Variants in KCNT1 observed in about 807,000 individuals in gnomAD.
KCNT1 encodes potassium sodium-activated channel subfamily T member 1.
Under a neutral mutation model 147.8 loss-of-function variants are expected in KCNT1, and 78 were observed. The observed-to-expected ratio is 0.53, with a 90% CI of 0.44 to 0.64. KCNT1 has a LOEUF of 0.64. KCNT1 is among the 30% of genes least tolerant of loss of function. The pLI is 0.00. For synonymous variants in KCNT1, 867 were observed against 748.8 expected (o/e 1.16, Z -2.58); for missense variants, 1,419 against 1,750.3 (o/e 0.81, Z 3.38).
In KCNT1 at chr9:135,773,179, G is replaced by A. The variant is rs78110941; in HGVS notation, c.2243+230G>A. On this transcript the variant is annotated intron_variant, in intron 19 of 30. Coordinates refer to ENST00000371757, the MANE Select transcript of KCNT1 (RefSeq NM_020822.3). The stretch of plus-strand genomic sequence containing the variant: ...CACTTTTGAGTGTCACTGAGATGGG[G>A]TGTGCTGGGCTACACCCTTTCCAGT... 9.8e-3 allele frequency among the ~76,000 whole-genome samples: 1,491 copies of A among 152,332 alleles called. 29 individuals carry two copies. Among genetic ancestry groups the A allele is most frequent in the East Asian group, 0.038 (199 of 5,186 alleles).
At chr9:135,738,237 C>G (rs1217677521) in intron 2 of KCNT1, among the ~76,000 whole-genome samples, 1 of 152,208 alleles carries the variant, frequency 6.6e-6, no homozygotes, top group African/African-American at 2.4e-5. Context: ...GACGGTTTCA[C>G]ATGGGTGGCC....
intron 2 of KCNT1, among the ~76,000 whole-genome samples, chr9:135,739,665 G>C (rs1830482644): frequency 6.6e-6 from 1 of 152,098 alleles, no homozygotes; most frequent in Non-Finnish European, 1.5e-5. Flanking sequence ...CTCTCTCCCA[G>C]GAGGGCCCCT....
chr9:135,720,410 C>T lies in KCNT1; in HGVS notation c.254+5690C>T, dbSNP rs142224331. Reference sequence around the variant, plus strand: ...GCTGGTCGGGGAAGTGCCTTGAGACCTGGGTGACTCGGTGTGCTGAGGGCC... The same window carrying T: ...GCTGGTCGGGGAAGTGCCTTGAGACTTGGGTGACTCGGTGTGCTGAGGGCC... On this transcript the variant is annotated intron_variant, in intron 2 of 30. Transcript: ENST00000371757. Among the ~76,000 whole-genome samples, 688 of 152,110 alleles carry T rather than the reference C, an allele frequency of 4.5e-3. 3 individuals are homozygous for T. The highest frequency in any genetic ancestry group is 0.014 in the African/African-American group (593 of 41,496).
At chr9:135,769,351 G>T (rs147532472) in intron 15 of KCNT1, among the ~76,000 whole-genome samples, 1 of 151,992 alleles carries the variant, frequency 6.6e-6, no homozygotes, top group South Asian at 2.1e-4. Flanking sequence ...GCATGTGCAC[G>T]CAGTTAGGCG....
At chr9:135,707,170 C>T (rs925346468) in intron 1 of KCNT1, among the ~76,000 whole-genome samples, 5 of 152,068 alleles carry the variant, frequency 3.3e-5, no homozygotes, top group African/African-American at 7.2e-5. Context: ...CCCGGTGCAC[C>T]CCTGCAGGCC....
chr9:135,739,053 C>T (rs1830454825), intron 2 of KCNT1, among the ~76,000 whole-genome samples: 1 of 152,080 alleles, frequency 6.6e-6, no homozygotes, highest in African/African-American at 2.4e-5. Flanking sequence ...GCTGGGGTCT[C>T]CCAGCCTCAT....
In KCNT1 at chr9:135,770,886, G is replaced by A. The variant is rs773621687; in HGVS notation, c.1799G>A (p.Arg600Gln). 40 of 1,592,210 alleles carry A rather than the reference G, an allele frequency of 2.5e-5. 1 individual carries two copies. In the Middle Eastern group the frequency reaches 5.0e-4, roughly 20 times the overall value. ...GGCGTGTGCCTCATCGGGCTGAAGC[G>A]GGAGGACAACAAGAGCATCCTGCTG... ...KYGVCLIGLK[R>Q]EDNKSILLNP... The change falls in exon 18 of 31, where the codon CGG becomes CAG. Residue 600 changes from arginine to glutamine, a missense_variant. Physicochemically the swap from Arg to Gln is conservative, Grantham distance 43. Coordinates refer to ENST00000371757, the MANE Select transcript of KCNT1 (RefSeq NM_020822.3).
intron 11 of KCNT1, among the ~76,000 whole-genome samples, chr9:135,762,736 C>T (rs1304350302): frequency 3.9e-5 from 6 of 152,106 alleles, no homozygotes; most frequent in African/African-American, 1.4e-4. Context: ...GGTGACAGAG[C>T]GAGATGCCAT....
At position 135,784,815 on chromosome 9, in the gene KCNT1, A is replaced by C; in HGVS notation, c.3082A>C (p.Lys1028Gln). 6.2e-7 allele frequency: 1 copy of C among 1,612,686 alleles called. No individual in the cohort carries two copies. Among genetic ancestry groups the C allele is most frequent in the Non-Finnish European group, 8.5e-7 (1 of 1,179,940 alleles). Residue 1028 changes from lysine to glutamine, a missense_variant, in exon 27 of 31, where the codon AAG becomes CAG. By Grantham distance (53) the Lys-to-Gln change is moderately conservative. Coordinates refer to ENST00000371757, the MANE Select transcript of KCNT1 (RefSeq NM_020822.3). ...CCGCACGTACGGCCGCCTCTTCCAG[A>C]AGCTCTGCTCCTCCAGCGCCGAGAT... ...WIRTYGRLFQ[K>Q]LCSSSAEIPI...
chr9:135,782,538 C>T (rs552894120), intron 24 of KCNT1, among the ~76,000 whole-genome samples: 63 of 152,308 alleles, frequency 4.1e-4, no homozygotes, highest in African/African-American at 1.4e-3. Flanking sequence ...AGGGCTCATC[C>T]GCTCCTGTGT....
Position 135,714,735 on chromosome 9 carries a change from C to G in KCNT1, c.254+15C>G, listed in dbSNP as rs1341686028. 2.2e-6 allele frequency: 3 copies of G among 1,348,508 alleles called. No homozygotes were observed. The highest frequency in any genetic ancestry group is 2.9e-6 in the Non-Finnish European group (3 of 1,034,812). The allele number at this position is 1,348,508 out of a possible 1,614,324, so 83.5% of individuals were successfully genotyped here. A position where few individuals can be genotyped will look rare whatever the true frequency, so the allele number is the denominator to read the frequency against. ...AACGACGACAGGTAGGGACCGGGCG[C>G]GGGGTGGGGGCTGGGGTCGCCGTCC... On this transcript the variant is annotated intron_variant, in intron 2 of 30. Transcript: ENST00000371757. The surrounding 1 kb of genome is among the most constrained non-coding windows in gnomAD (Gnocchi z 6.2).
In KCNT1 at chr9:135,765,654, G is replaced by A; in HGVS notation, c.1231G>A (p.Glu411Lys). The part of the protein sequence containing the change: ...DYYVVILCPT[E>K]MDVQVRRVLQ... ...TTACGTGGTCATCCTGTGCCCCACG[G>A]AGATGGATGTCCAGGTGCGCAGAGT... Residue 411 changes from glutamate to lysine, a missense_variant, in exon 13 of 31, where the codon GAG (glutamate) becomes AAG (lysine). By Grantham distance (56) the Glu-to-Lys change is moderately conservative (BLOSUM62 1). This residue lies in a region of KCNT1 where 401 missense variants were observed against 610.6 expected (regional missense o/e 0.66). Coordinates refer to ENST00000371757, the MANE Select transcript of KCNT1 (RefSeq NM_020822.3). The A allele has an allele frequency of 6.2e-7, 1 of 1,611,154 alleles. No homozygotes were observed. The highest frequency in any genetic ancestry group is 8.5e-7 in the Non-Finnish European group (1 of 1,179,150).
At chr9:135,786,049 C>G (rs560986596) in intron 28 of KCNT1, 148 bp from the exon 29 acceptor site, 2 of 664,600 alleles carry the variant, frequency 3.0e-6, no homozygotes, top group Non-Finnish European at 5.1e-6. Context: ...TGGGGTCTGT[C>G]GTCGTCCTCT....
At chr9:135,722,417 G>A (rs1161043640) in intron 2 of KCNT1, among the ~76,000 whole-genome samples, 3 of 152,254 alleles carry the variant, frequency 2.0e-5, no homozygotes, top group African/African-American at 4.8e-5. Context: ...TGCCCAGTGG[G>A]AGGGGCTGGC....
At chr9:135,770,154 G>A in intron 16 of KCNT1, 99 bp downstream of exon 16, 1 of 1,384,128 alleles carries the variant, frequency 7.2e-7, no homozygotes, top group Non-Finnish European at 9.8e-7. Context: ...CTTCCCAGAG[G>A]AGGGGCACAT....
intron 21 of KCNT1, among the ~76,000 whole-genome samples, chr9:135,777,823 T>C (rs1212626888): frequency 1.3e-5 from 2 of 148,344 alleles, no homozygotes; most frequent in Non-Finnish European, 3.0e-5. Flanking sequence ...CCTCCTTGCT[T>C]CCAGCTCCCC....
chr9:135,768,059 G>A (rs1444230538), intron 13 of KCNT1, among the ~76,000 whole-genome samples: 1 of 150,122 alleles, frequency 6.7e-6, no homozygotes, highest in African/African-American at 2.4e-5. Flanking sequence ...CAGGGGACAG[G>A]TGTGGCTCCT....
chr9:135,709,471 C>T (rs77761809), intron 1 of KCNT1, among the ~76,000 whole-genome samples: 8 of 152,260 alleles, frequency 5.3e-5, no homozygotes, highest in African/African-American at 9.6e-5. Context: ...AGAGGACCCA[C>T]GATTCCATCA....
intron 29 of KCNT1, chr9:135,791,303 G>C (rs1834499940): frequency 5.6e-6 from 1 of 177,742 alleles, no homozygotes; most frequent in South Asian, 1.4e-4. Context: ...GTGTGCAGGG[G>C]TCTGTGGATA....
Sources: allele counts gnomAD v4.1 joint callset (sites outside exome capture counted in the v4.1 genomes callset), GRCh38; gene constraint gnomAD v4.1.1; regional missense constraint gnomAD v4.1.1; non-coding constraint Gnocchi (gnomAD v3.1); transcripts MANE v1.5; gene names NCBI Gene and HGNC (gene_info 2026-07-23, HGNC 2026-07-21).